The following PEF1 variants were observed in gnomAD, a reference collection of about 807,000 sequenced individuals.
PEF1 encodes the protein penta-EF-hand domain containing 1.
In PEF1, 17 loss-of-function variants were observed where a neutral mutation model predicts 32.0. The ratio of observed to expected loss-of-function variants is 0.53; its 90% CI spans 0.36 to 0.80. The LOEUF is 0.80. PEF1 is among the 30% of genes least tolerant of loss of function. The pLI, the probability that PEF1 is intolerant of heterozygous loss-of-function variation, is 0.00. For missense variants in PEF1, 362 were observed against 369.1 expected (o/e 0.98, Z 0.16); for synonymous variants, 130 against 139.8 (o/e 0.93, Z 0.50).
chr1:31,642,414 G>T (rs1293872601), intron 1 of PEF1, among the ~76,000 whole-genome samples: 1 of 152,002 alleles, frequency 6.6e-6, no homozygotes, highest in East Asian at 1.9e-4. Flanking sequence ...AGGACCAAAG[G>T]GTGCTTGAAT....
rs938432787 is a variant in PEF1, at chr1:31,633,143, C to T, written c.481+16G>A. 2.5e-6 allele frequency: 4 copies of T among 1,607,936 alleles called. No homozygotes were observed. Among genetic ancestry groups the T allele is most frequent in the Non-Finnish European group, 3.4e-6 (4 of 1,176,460 alleles). Reference sequence around the variant, plus strand: ...CTCTGCCCCAGCTCAGGCCCAAGGGCAAGGCGGAGACTCACTTATCATCAT... The same window carrying T: ...CTCTGCCCCAGCTCAGGCCCAAGGGTAAGGCGGAGACTCACTTATCATCAT... On this transcript the variant is annotated intron_variant, in intron 3 of 4. Coordinates refer to ENST00000373703, the MANE Select transcript of PEF1 (RefSeq NM_012392.4).
At chr1:31,644,635 G>T (rs1273743353) in intron 1 of PEF1, 2 of 1,444,766 alleles carry the variant, frequency 1.4e-6, no homozygotes, top group African/African-American at 1.4e-5. Flanking sequence ...AAGGGGGCGC[G>T]ACACGACCTC....
intron 1 of PEF1, chr1:31,643,922 G>A (rs1195958164): frequency 9.9e-5 from 15 of 152,154 alleles, no homozygotes; most frequent in Admixed American, 9.8e-4. Flanking sequence ...AAATCAAAAT[G>A]CTAAAGGGCA....
intron 2 of PEF1, among the ~76,000 whole-genome samples, chr1:31,633,546 G>A (rs1053013403): frequency 6.6e-6 from 1 of 152,206 alleles, no homozygotes; most frequent in African/African-American, 2.4e-5. Context: ...TAGTGTTCCA[G>A]ACACTACTCT....
intron 1 of PEF1, among the ~76,000 whole-genome samples, chr1:31,640,473 G>T (rs1172750267): frequency 6.6e-6 from 1 of 152,078 alleles, no homozygotes; most frequent in Non-Finnish European, 1.5e-5. Flanking sequence ...CAAATATAAT[G>T]AATTTCTACT....
At chr1:31,635,623 C>A (rs749887029) in intron 1 of PEF1, 101 bp from the exon 2 acceptor site, 6 of 1,174,186 alleles carry the variant, frequency 5.1e-6, no homozygotes, top group African/African-American at 1.6e-5. Context: ...ATCCTTTCAA[C>A]TGATCCTATA....
chr1:31,633,316 T>G lies in PEF1; in HGVS notation c.326-2A>C. ...GATCCACATTGGGAGGGGCGCCACC[T>G]GGAGGAAGGGGTGTGAAGGCCATCA... On this transcript the variant is annotated splice_acceptor_variant, in intron 2 of 4. Transcript: ENST00000373703. LOFTEE classifies it high-confidence loss of function. The G allele has an allele frequency of 3.1e-6, 5 of 1,609,630 alleles. No homozygotes were observed. Among genetic ancestry groups the G allele is most frequent in the Non-Finnish European group, 4.2e-6 (5 of 1,177,502 alleles).
intron 1 of PEF1, among the ~76,000 whole-genome samples, chr1:31,636,477 A>AAAACAAAC (rs754220011): frequency 2.0e-5 from 3 of 152,148 alleles, no homozygotes; most frequent in African/African-American, 4.8e-5. Context: ...ATCCGATCTC[A>AAAACAAAC]AAACAAACAA....
In PEF1 at chr1:31,630,456, T is replaced by C. The variant is rs1640063151; in HGVS notation, c.*157A>G. On this transcript the variant is annotated 3_prime_UTR_variant, in exon 5 of 5. Coordinates refer to ENST00000373703, the MANE Select transcript of PEF1 (RefSeq NM_012392.4). The stretch of plus-strand genomic sequence containing the variant: ...GGTCCTCACTATTTGGTGGCTATGA[T>C]GCAGGACTCTCCACCCTCTTTTGGA... 1 of 769,932 alleles carries C rather than the reference T, an allele frequency of 1.3e-6. No individual in the cohort carries two copies. The highest frequency in any genetic ancestry group is 2.1e-6 in the Non-Finnish European group (1 of 475,886). The allele number at this position is 769,932 out of a possible 1,614,324, so 47.7% of individuals were successfully genotyped here. A position where few individuals can be genotyped will look rare whatever the true frequency, so the allele number is the denominator to read the frequency against.
At chr1:31,630,874 C>A (rs764580438) in intron 4 of PEF1, 32 bp from the exon 5 acceptor site, 1 of 1,533,808 alleles carries the variant, frequency 6.5e-7, no homozygotes. Flanking sequence ...ACCAGACACA[C>A]AAAAACCTGC....
chr1:31,630,461 G>C lies in PEF1; in HGVS notation c.*152C>G. 4 of 808,228 alleles carry C rather than the reference G, an allele frequency of 4.9e-6. No individual in the cohort carries two copies. The highest frequency in any genetic ancestry group is 7.8e-6 in the Non-Finnish European group (4 of 509,684). The allele number at this position is 808,228 out of a possible 1,614,324, so 50.1% of individuals were successfully genotyped here. ...TCACTATTTGGTGGCTATGATGCAG[G>C]ACTCTCCACCCTCTTTTGGAACAGT... is the stretch of plus-strand genomic sequence containing the variant. On this transcript the variant is annotated 3_prime_UTR_variant, in exon 5 of 5. Coordinates refer to ENST00000373703, the MANE Select transcript of PEF1 (RefSeq NM_012392.4).
At chr1:31,644,204 C>T (rs1640482666) in intron 1 of PEF1, 1 of 197,960 alleles carries the variant, frequency 5.1e-6, no homozygotes. Flanking sequence ...CTGCGGTATT[C>T]CTGACTGAAT....
rs552971295 is a variant in PEF1, at chr1:31,632,583, C to T, written c.537G>A (p.Leu179=). The T allele has an allele frequency of 3.1e-6, 5 of 1,614,190 alleles. No homozygotes were observed. Among genetic ancestry groups the T allele is most frequent in the African/African-American group, 2.7e-5 (2 of 75,058 alleles). ...TCTTCCACTGCTGGATGAATTTCCA[C>T]AGGGCTGAGAAGCCGTAGACATCGA... ...GRIDVYGFSA[L]WKFIQQWKNL... The change falls in exon 4 of 5, where the codon CTG becomes CTA. Residue 179 remains leucine, a synonymous_variant. Transcript: ENST00000373703.
intron 1 of PEF1, among the ~76,000 whole-genome samples, chr1:31,642,758 C>T (rs1028634891): frequency 2.0e-5 from 3 of 152,170 alleles, no homozygotes; most frequent in Non-Finnish European, 1.5e-5. Context: ...CAAGAGCTGC[C>T]ACCAGACACT....
intron 1 of PEF1, 116 bp from the exon 2 acceptor site, chr1:31,635,638 G>T: frequency 9.2e-7 from 1 of 1,086,406 alleles, no homozygotes; most frequent in Non-Finnish European, 1.2e-6. Context: ...CCTATAGGTA[G>T]GGTTGGAATT....
At chr1:31,644,248 G>A (rs7549590) in intron 1 of PEF1, 174,409 of 354,580 alleles carry the variant, frequency 0.49, 46,613 homozygotes, top group Non-Finnish European at 0.56. Flanking sequence ...TCTGAAGATA[G>A]CCCGGGTTCT....
chr1:31,636,562 C>G (rs1640259416), intron 1 of PEF1, among the ~76,000 whole-genome samples: 1 of 152,240 alleles, frequency 6.6e-6, no homozygotes, highest in Admixed American at 6.5e-5. Flanking sequence ...CTTATCCTCT[C>G]TAAGCCTCAA....
At chr1:31,641,958 G>A (rs1377499504) in intron 1 of PEF1, among the ~76,000 whole-genome samples, 5 of 152,340 alleles carry the variant, frequency 3.3e-5, no homozygotes, top group Admixed American at 6.5e-5. Flanking sequence ...TAGTCCAGGC[G>A]TGGTGGCTCA....
At chr1:31,639,067 G>A in intron 1 of PEF1, among the ~76,000 whole-genome samples, 1 of 152,244 alleles carries the variant, frequency 6.6e-6, no homozygotes, top group East Asian at 1.9e-4. Context: ...GTCAAGGAAA[G>A]CTTCCTGGAG....
Sources: gnomAD v4.1 joint callset for allele counts (sites outside exome capture counted in the v4.1 genomes callset) on GRCh38, gnomAD v4.1.1 for gene constraint, MANE v1.5 for transcripts, NCBI Gene and HGNC (gene_info 2026-07-23, HGNC 2026-07-21) for gene names.